Variants in PHKB observed in about 807,000 individuals in gnomAD.
The protein encoded by PHKB is phosphorylase b kinase regulatory subunit beta.
PHKB carries 122 observed loss-of-function variants against 152.1 expected under a neutral mutation model. The observed-to-expected ratio is 0.80, with a 90% CI of 0.69 to 0.93. The LOEUF is 0.93. Among genes scored for constraint, PHKB ranks in the 40% least tolerant of loss-of-function variants. The probability of loss-of-function intolerance (pLI) is 0.00; values close to 1 mark genes in which losing one functional copy is unlikely to be tolerated. For missense variants in PHKB, 1,304 were observed against 1,328.4 expected, an observed-to-expected ratio of 0.98 and a Z score of 0.29; for synonymous variants, 436 against 464.9, an observed-to-expected ratio of 0.94 and a Z score of 0.80.
chr16:47,510,110 T>C (rs1216097328), intron 4 of PHKB, among the ~76,000 whole-genome samples: 1 of 152,220 alleles, frequency 6.6e-6, no homozygotes, highest in East Asian at 1.9e-4. Context: ...CAGAAGGTCC[T>C]GAGCACAGGA....
intron 5 of PHKB, among the ~76,000 whole-genome samples, chr16:47,512,577 CA>C (rs1970528403): frequency 6.6e-6 from 1 of 152,076 alleles, no homozygotes; most frequent in Admixed American, 6.5e-5. Flanking sequence ...AATGTAATTC[CA>C]AAAGGTATTT....
At chr16:47,585,597 A>G (rs903490142) in intron 8 of PHKB, among the ~76,000 whole-genome samples, 2 of 152,242 alleles carry the variant, frequency 1.3e-5, no homozygotes, top group Admixed American at 1.3e-4. Context: ...CGTAATGCCT[A>G]AAGCATGGGA....
chr16:47,619,902 A>G (rs556124140), intron 14 of PHKB, among the ~76,000 whole-genome samples: 2 of 152,314 alleles, frequency 1.3e-5, no homozygotes, highest in Non-Finnish European at 2.9e-5. Flanking sequence ...GAGAACATCT[A>G]TTTATAGTAA....
In PHKB at chr16:47,498,375, T is replaced by G. The variant is rs112000592; in HGVS notation, c.166+887T>G. Among the ~76,000 whole-genome samples, 538 of 152,312 alleles carry G rather than the reference T, an allele frequency of 3.5e-3. 2 individuals are homozygous for G. Among genetic ancestry groups the G allele is most frequent in the Non-Finnish European group, 6.1e-3 (418 of 68,020 alleles). ...TACCCTGGTTTTCTGAAAGAAATGATTATGATAAGATCAATTTAGAGGCTG... is the reference window on the plus strand; with the variant it reads ...TACCCTGGTTTTCTGAAAGAAATGAGTATGATAAGATCAATTTAGAGGCTG... On this transcript the variant is annotated intron_variant, in intron 2 of 30. Coordinates refer to ENST00000323584, the MANE Select transcript of PHKB (RefSeq NM_000293.3).
chr16:47,692,344 C>T (rs373299623), intron 27 of PHKB, among the ~76,000 whole-genome samples: 2 of 152,044 alleles, frequency 1.3e-5, no homozygotes, highest in Non-Finnish European at 2.9e-5. Context: ...GGCTGTGTGC[C>T]GTGGTTCATG....
intron 5 of PHKB, among the ~76,000 whole-genome samples, chr16:47,512,459 A>G (rs1229873752): frequency 1.3e-5 from 2 of 152,252 alleles, no homozygotes; most frequent in East Asian, 3.8e-4. Context: ...TTTAGGAACT[A>G]GGGGAAAAAA....
intron 7 of PHKB, among the ~76,000 whole-genome samples, chr16:47,567,078 G>A (rs570209165): frequency 6.6e-6 from 1 of 152,140 alleles, no homozygotes; most frequent in South Asian, 2.1e-4. Context: ...ATTCAGGATG[G>A]TTTTTGGTTG....
intron 6 of PHKB, among the ~76,000 whole-genome samples, chr16:47,542,130 G>A (rs974109708): frequency 1.3e-5 from 2 of 152,088 alleles, no homozygotes; most frequent in South Asian, 4.1e-4. Context: ...ATGGTTTTGG[G>A]TCTTATATTT....
intron 4 of PHKB, among the ~76,000 whole-genome samples, chr16:47,508,715 AATT>A (rs1970460309): frequency 6.6e-6 from 1 of 152,166 alleles, no homozygotes; most frequent in African/African-American, 2.4e-5. Flanking sequence ...CTTTTGCTTT[AATT>A]ATTATCTTTA....
intron 8 of PHKB, among the ~76,000 whole-genome samples, chr16:47,585,151 T>G (rs554409783): frequency 1.3e-5 from 2 of 152,234 alleles, no homozygotes; most frequent in South Asian, 4.1e-4. Context: ...AAGTTTGAGC[T>G]GTCAGTCTTA....
At chr16:47,656,587 T>C (rs1039843873) in intron 20 of PHKB, among the ~76,000 whole-genome samples, 1 of 152,220 alleles carries the variant, frequency 6.6e-6, no homozygotes, top group African/African-American at 2.4e-5. Flanking sequence ...TCCAGTTTAA[T>C]GGTGTTAACT....
At chr16:47,567,941 A>G (rs1971597764) in intron 7 of PHKB, among the ~76,000 whole-genome samples, 1 of 152,292 alleles carries the variant, frequency 6.6e-6, no homozygotes, top group South Asian at 2.1e-4. Context: ...TCAGTTTGCT[A>G]GTATTTTATT....
chr16:47,583,681 C>T (rs892084887), intron 8 of PHKB, among the ~76,000 whole-genome samples: 8 of 152,144 alleles, frequency 5.3e-5, no homozygotes, highest in Non-Finnish European at 8.8e-5. Context: ...TCTCAGATCA[C>T]ACCACACAGG....
At position 47,669,239 on chromosome 16, in the gene PHKB, GA is replaced by G; in HGVS notation, c.2454del (p.Glu819LysfsTer12). The G allele has an allele frequency of 6.2e-7, 1 of 1,603,862 alleles. No individual in the cohort carries two copies. The highest frequency in any genetic ancestry group is 8.5e-7 in the Non-Finnish European group (1 of 1,174,956). Reference sequence around the variant, plus strand: ...GGTAACTCTGGGTGCCTTTGGGCATGAAGAAGAAGTTATCTCTAATCCTTTG... The same window carrying G: ...GGTAACTCTGGGTGCCTTTGGGCATGAGAAGAAGTTATCTCTAATCCTTTG... ...KQVTLGAFGH[E>X]EEVISNPLSP... On this transcript the variant is annotated frameshift_variant, in exon 26 of 31. Transcript: ENST00000323584. LOFTEE classifies it high-confidence loss of function.
At chr16:47,631,447 A>G (rs560108397) in intron 14 of PHKB, among the ~76,000 whole-genome samples, 12 of 152,202 alleles carry the variant, frequency 7.9e-5, no homozygotes, top group Non-Finnish European at 1.3e-4. Flanking sequence ...AAACCAGACT[A>G]CAAAACAAAT....
rs548779712 is a variant in PHKB at position 47,699,130 on chromosome 16, T to C, written c.3145-99T>C. The C allele has an allele frequency of 2.3e-5, 25 of 1,088,318 alleles. No individual in the cohort carries two copies. The South Asian group carries it at 2.5e-4, about 11-fold the overall frequency. 67.4% of individuals were successfully genotyped at this position (1,088,318 alleles called of 1,614,324 possible). The stretch of plus-strand genomic sequence containing the variant: ...CTCATATTTTCCATAAGGAAATCTT[T>C]ATGTGAATTTATTTTTCCCCCTAAG... On this transcript the variant is annotated intron_variant, in intron 30 of 30. Transcript: ENST00000323584.
At chr16:47,561,525 T>C (rs1971475777) in intron 7 of PHKB, 1 of 152,268 alleles carries the variant, frequency 6.6e-6, no homozygotes, top group Non-Finnish European at 1.5e-5. Flanking sequence ...GGACTTTTTG[T>C]GAATGCATTT....
At chr16:47,698,737 C>G (rs1389500609) in intron 30 of PHKB, 149 bp downstream of exon 30, 1 of 674,530 alleles carries the variant, frequency 1.5e-6, no homozygotes, top group African/African-American at 1.9e-5. Flanking sequence ...CTGCCTTTTT[C>G]GAGGAATTAA....
At chr16:47,470,829 G>T (rs879876575) in intron 1 of PHKB, among the ~76,000 whole-genome samples, 1 of 152,142 alleles carries the variant, frequency 6.6e-6, no homozygotes, top group Non-Finnish European at 1.5e-5. Context: ...CCTCTCTGAT[G>T]TAGGAAGTTT....
Sources: allele counts gnomAD v4.1 joint callset (sites outside exome capture counted in the v4.1 genomes callset), GRCh38; gene constraint gnomAD v4.1.1; transcripts MANE v1.5; gene names NCBI Gene and HGNC (gene_info 2026-07-23, HGNC 2026-07-21).